The following ABL1 variants were observed in gnomAD, a reference collection of about 807,000 sequenced individuals.
ABL1 encodes the protein ABL proto-oncogene 1, non-receptor tyrosine kinase.
ABL1 carries 11 observed loss-of-function variants against 94.7 expected under a neutral mutation model. That is an observed-to-expected ratio of 0.12 (90% CI 0.07 to 0.19). ABL1 has a LOEUF of 0.19. ABL1 is among the 10% of genes least tolerant of loss of function. The pLI is 1.00. For synonymous variants in ABL1, 656 were observed against 622.4 expected (o/e 1.05, Z -0.80); for missense variants, 1,082 against 1,489.4 (o/e 0.73, Z 4.50).
chr9:130,724,285 TA>T (rs200382512), intron 1 of ABL1, among the ~76,000 whole-genome samples: 1 of 151,924 alleles, frequency 6.6e-6, no homozygotes, highest in African/African-American at 2.4e-5. Context: ...AGGCTCTCCA[TA>T]AAAAAAATTC....
chr9:130,850,546 G>A (rs1157490656), intron 1 of ABL1, among the ~76,000 whole-genome samples: 1 of 152,148 alleles, frequency 6.6e-6, no homozygotes, highest in Non-Finnish European at 1.5e-5. Flanking sequence ...TCACTCTGTT[G>A]CCCAGGCTGG....
At chr9:130,836,003 T>C (rs1319222023) in intron 1 of ABL1, among the ~76,000 whole-genome samples, 1 of 152,248 alleles carries the variant, frequency 6.6e-6, no homozygotes, top group Non-Finnish European at 1.5e-5. Flanking sequence ...GATCGACCCG[T>C]GTTTGTGAAA....
At chr9:130,848,721 G>A (rs1250870060) in intron 1 of ABL1, among the ~76,000 whole-genome samples, 1 of 152,106 alleles carries the variant, frequency 6.6e-6, no homozygotes, top group Non-Finnish European at 1.5e-5. Context: ...CTTATCACCT[G>A]AGGTCAGGAG....
In ABL1 at chr9:130,885,843, T is replaced by G; in HGVS notation, c.*160T>G. On this transcript the variant is annotated 3_prime_UTR_variant, in exon 11 of 11. Transcript: ENST00000318560. The stretch of plus-strand genomic sequence containing the variant: ...CTGAGGGCCCTGTGGAGTCCAGCTC[T>G]ACTACCTACGTTTGCACCGCCTGCC... 1.0e-6 allele frequency: 1 copy of G among 962,572 alleles called. No homozygotes were observed. Among genetic ancestry groups the G allele is most frequent in the Non-Finnish European group, 1.5e-6 (1 of 669,048 alleles). The allele number at this position is 962,572 out of a possible 1,614,324, so 59.6% of individuals were successfully genotyped here.
intron 1 of ABL1, among the ~76,000 whole-genome samples, chr9:130,808,058 A>T (rs905535190): frequency 6.6e-6 from 1 of 150,500 alleles, no homozygotes; most frequent in Non-Finnish European, 1.5e-5. Flanking sequence ...TTGGCAAGCC[A>T]GTTCTCTTTA....
chr9:130,743,199 A>G (rs990781521), intron 1 of ABL1, among the ~76,000 whole-genome samples: 4 of 152,170 alleles, frequency 2.6e-5, no homozygotes, highest in African/African-American at 9.7e-5. Context: ...CAGCCTCCCA[A>G]GTAGCCAGGA....
chr9:130,766,743 G>C (rs1046725493), intron 1 of ABL1, among the ~76,000 whole-genome samples: 4 of 152,138 alleles, frequency 2.6e-5, no homozygotes, highest in African/African-American at 9.7e-5. Context: ...CCACTGCTCT[G>C]CTGTCAGGGC....
chr9:130,839,914 A>G (rs992359077), intron 1 of ABL1, among the ~76,000 whole-genome samples: 1 of 152,146 alleles, frequency 6.6e-6, no homozygotes, highest in African/African-American at 2.4e-5. Flanking sequence ...TCTGGACCCA[A>G]ATGCCACCTG....
At chr9:130,718,483 A>G (rs1278159100) in intron 1 of ABL1, among the ~76,000 whole-genome samples, 1 of 152,172 alleles carries the variant, frequency 6.6e-6, no homozygotes, top group East Asian at 1.9e-4. Flanking sequence ...TTTAAATTTC[A>G]GTATTCATTT....
At chr9:130,737,377 C>T (rs553123970) in intron 1 of ABL1, among the ~76,000 whole-genome samples, 12 of 152,042 alleles carry the variant, frequency 7.9e-5, no homozygotes, top group Non-Finnish European at 1.8e-4. Context: ...AAGTGATTCT[C>T]CTGCCTCAGC....
At chr9:130,774,069 ATTATC>A (rs1476890012) in intron 1 of ABL1, among the ~76,000 whole-genome samples, 3 of 152,146 alleles carry the variant, frequency 2.0e-5, no homozygotes, top group African/African-American at 7.2e-5. Flanking sequence ...GCCTGACATA[ATTATC>A]TTGAGATTCA....
intron 1 of ABL1, among the ~76,000 whole-genome samples, chr9:130,745,887 T>C (rs1397633192): frequency 6.6e-6 from 1 of 151,896 alleles, no homozygotes; most frequent in Non-Finnish European, 1.5e-5. Flanking sequence ...AGGCTTGCCA[T>C]TGTGTGTCAA....
At chr9:130,727,796 C>A in intron 1 of ABL1, among the ~76,000 whole-genome samples, 1 of 134,274 alleles carries the variant, frequency 7.4e-6, no homozygotes, top group African/African-American at 2.9e-5. Context: ...ACAGGAAAGA[C>A]TGAACAAGAA....
At chr9:130,785,928 TAAAAAA>T (rs34333699) in intron 1 of ABL1, among the ~76,000 whole-genome samples, 5 of 56,690 alleles carry the variant, frequency 8.8e-5, no homozygotes, top group African/African-American at 2.4e-4. Context: ...GTCTCAAAAC[TAAAAAA>T]AAAAAAAAAA....
chr9:130,773,818 A>G (rs1261951689), intron 1 of ABL1, among the ~76,000 whole-genome samples: 1 of 152,062 alleles, frequency 6.6e-6, no homozygotes, highest in Non-Finnish European at 1.5e-5. Flanking sequence ...GACATAAAAT[A>G]AACTGCACAT....
chr9:130,835,551 C>T lies in ABL1; in HGVS notation c.79+26C>T. On this transcript the variant is annotated intron_variant, in intron 1 of 10. Transcript: ENST00000318560. This position sits in a 1 kb window ranked among gnomAD's most constrained non-coding sequence, Gnocchi z 4.6. The stretch of plus-strand genomic sequence containing the variant: ...GTAAGCCCGGGCCGCACGGGTTGGG[C>T]TGAGTAGCCGCGCGCCCTCCCGCTG... The T allele has an allele frequency of 6.5e-7, 1 of 1,541,788 alleles. No individual in the cohort carries two copies. The highest frequency in any genetic ancestry group is 8.8e-7 in the Non-Finnish European group (1 of 1,140,110).
At chr9:130,721,896 A>C (rs1831519832) in intron 1 of ABL1, among the ~76,000 whole-genome samples, 1 of 142,534 alleles carries the variant, frequency 7.0e-6, no homozygotes, top group Non-Finnish European at 1.5e-5. Flanking sequence ...ATCTCAGCTC[A>C]TTGCAACCTC....
chr9:130,733,575 CTTTTT>C (rs35185474), intron 1 of ABL1, among the ~76,000 whole-genome samples: 4 of 103,190 alleles, frequency 3.9e-5, no homozygotes, highest in Non-Finnish European at 5.4e-5. Flanking sequence ...CTGTAAAGCA[CTTTTT>C]TTTTTTTTTT....
chr9:130,872,015 C>T lies in ABL1; in HGVS notation c.823-114C>T, dbSNP rs1048664075. The T allele has an allele frequency of 2.4e-6, 2 of 841,252 alleles. No individual in the cohort carries two copies. Among genetic ancestry groups the T allele is most frequent in the African/African-American group, 1.7e-5 (1 of 59,472 alleles). The allele number at this position is 841,252 out of a possible 1,614,324, so 52.1% of individuals were successfully genotyped here. A position where few individuals can be genotyped will look rare whatever the true frequency, so the allele number is the denominator to read the frequency against. ...CTGCAGCAATGTGGCTGTCACAAAA[C>T]GCAGCCCAGGACGAGTATGCGCTGA... On this transcript the variant is annotated intron_variant, in intron 4 of 10. Coordinates refer to ENST00000318560, the MANE Select transcript of ABL1 (RefSeq NM_005157.6). The surrounding 1 kb of genome is among the most constrained non-coding windows in gnomAD (Gnocchi z 5.0).
Sources: allele counts gnomAD v4.1 joint callset (sites outside exome capture counted in the v4.1 genomes callset), GRCh38; gene constraint gnomAD v4.1.1; non-coding constraint Gnocchi (gnomAD v3.1); transcripts MANE v1.5; gene names NCBI Gene and HGNC (gene_info 2026-07-23, HGNC 2026-07-21).